The following PGD variants were observed in gnomAD, a reference collection of about 807,000 sequenced individuals.
PGD encodes phosphogluconate dehydrogenase.
A neutral mutation model predicts 60.4 loss-of-function variants in PGD; 21 were observed. That is an observed-to-expected ratio of 0.35 (90% CI 0.25 to 0.50). The LOEUF is 0.50. Ranked by LOEUF, PGD falls within the 20% of genes least tolerant of loss-of-function variation. The probability of loss-of-function intolerance (pLI) is 0.98; values close to 1 mark genes in which losing one functional copy is unlikely to be tolerated. For missense variants in PGD, 477 were observed against 613.1 expected (o/e 0.78, Z 2.34); for synonymous variants, 230 against 235.9 (o/e 0.97, Z 0.23).
chr1:10,411,559 C>T lies in PGD; in HGVS notation c.654+7C>T. ...GCAGGACGAGATGGCCCAGGTGAGG[C>T]CCCGGCACTGCCTCTGTGTCCGTTC... On this transcript the variant is annotated splice_region_variant and intron_variant, in intron 7 of 12. Transcript: ENST00000270776. 6.2e-7 allele frequency: 1 copy of T among 1,613,720 alleles called. No individual in the cohort carries two copies. The highest frequency in any genetic ancestry group is 8.5e-7 in the Non-Finnish European group (1 of 1,179,790).
At chr1:10,409,649 CTT>C (rs543426528) in intron 6 of PGD, among the ~76,000 whole-genome samples, 1,613 of 75,290 alleles carry the variant, frequency 0.021, 8 homozygotes, top group Non-Finnish European at 0.026. Context: ...GTGGTAGCAA[CTT>C]TTTTTTTTTT....
chr1:10,408,293 T>C (rs1395787460), intron 6 of PGD, among the ~76,000 whole-genome samples, 153 bp downstream of exon 6: 1 of 152,234 alleles, frequency 6.6e-6, no homozygotes, highest in East Asian at 1.9e-4. Flanking sequence ...ACGCCTAGAA[T>C]GCATGCCTGC....
At chr1:10,409,941 C>G (rs1639471613) in intron 6 of PGD, among the ~76,000 whole-genome samples, 2 of 152,124 alleles carry the variant, frequency 1.3e-5, no homozygotes, top group Non-Finnish European at 2.9e-5. Context: ...TAGGCGTGAG[C>G]CACCGCACCC....
In PGD at chr1:10,419,484, C is replaced by T; in HGVS notation, c.1277C>T (p.Ala426Val). ...ATTCCCATGCCCTGTTTTACCACTG[C>T]CCTCTCCTTCTATGACGGGTACAGA... ...AGIPMPCFTTALSFYDGYRHE... is the reference protein window; with the variant it reads ...AGIPMPCFTTVLSFYDGYRHE... Residue 426 changes from alanine (A) to valine (V), a missense_variant, in exon 12 of 13, where the codon GCC (alanine) becomes GTC (valine). By Grantham distance (64) the Ala-to-Val change is moderately conservative (BLOSUM62 0). Coordinates refer to ENST00000270776, the MANE Select transcript of PGD (RefSeq NM_002631.4). 2 of 1,613,786 alleles carry T rather than the reference C, an allele frequency of 1.2e-6. No individual in the cohort carries two copies. Among genetic ancestry groups the T allele is most frequent in the Non-Finnish European group, 1.7e-6 (2 of 1,179,670 alleles).
intron 3 of PGD, 101 bp from the exon 4 acceptor site, chr1:10,402,970 T>A: frequency 1.2e-6 from 1 of 854,374 alleles, no homozygotes; most frequent in East Asian, 2.5e-5. Flanking sequence ...AGAACGAGAC[T>A]CTTTTTAGAC....
intron 8 of PGD, among the ~76,000 whole-genome samples, chr1:10,416,077 A>G (rs1639590443): frequency 6.6e-6 from 1 of 152,162 alleles, no homozygotes; most frequent in Non-Finnish European, 1.5e-5. Flanking sequence ...AGTATTCTAC[A>G]TAACAGTGGT....
At chr1:10,406,379 GTTTC>G (rs1282948144) in intron 5 of PGD, among the ~76,000 whole-genome samples, 18 of 149,258 alleles carry the variant, frequency 1.2e-4, no homozygotes, top group Admixed American at 1.1e-3. Context: ...GCAAGACCCT[GTTTC>G]TTAAGAAAAA....
intron 5 of PGD, among the ~76,000 whole-genome samples, chr1:10,406,606 G>C (rs573767148): frequency 3.3e-5 from 5 of 152,194 alleles, no homozygotes; most frequent in Non-Finnish European, 7.4e-5. Context: ...GCGGTTTCCG[G>C]TGTGGCTGTC....
intron 1 of PGD, 193 bp from the exon 2 acceptor site, chr1:10,399,436 C>T (rs904138334): frequency 1.1e-4 from 53 of 468,386 alleles, no homozygotes; most frequent in Admixed American, 1.8e-4. Context: ...GAGCCGGGCG[C>T]GAGGGCGGGG....
At chr1:10,404,982 G>A (rs914180983) in intron 5 of PGD, among the ~76,000 whole-genome samples, 2 of 152,196 alleles carry the variant, frequency 1.3e-5, no homozygotes, top group East Asian at 1.9e-4. Flanking sequence ...GGGAAGCTGC[G>A]GTGAATGATC....
rs1569963528 is a variant in PGD at position 10,399,225 on chromosome 1, G to A, written c.8+100G>A. ...GTTCTCTCCGACGCCTCCCACCCTG[G>A]GGGTCGCCTGAGCTCACTTGGGGCT... On this transcript the variant is annotated intron_variant, in intron 1 of 12. Transcript: ENST00000270776. 7.2e-6 allele frequency: 10 copies of A among 1,391,802 alleles called. No homozygotes were observed. The East Asian group carries it at 2.2e-4, about 30-fold the overall frequency. 86.2% of individuals were successfully genotyped at this position (1,391,802 alleles called of 1,614,324 possible). A position where few individuals can be genotyped will look rare whatever the true frequency, so the allele number is the denominator to read the frequency against.
chr1:10,418,879 A>C lies in PGD; in HGVS notation c.1163A>C (p.Asn388Thr). Residue 388 changes from asparagine (N) to threonine (T), a missense_variant, in exon 11 of 13, where the codon AAC (asparagine) becomes ACC (threonine). Physicochemically the swap from Asn to Thr is moderately conservative, Grantham distance 65. Around this residue, in one of 3 missense-constraint regions of PGD, gnomAD observed 431 missense variants for 556.6 expected, o/e 0.77. Coordinates refer to ENST00000270776, the MANE Select transcript of PGD (RefSeq NM_002631.4). Reference protein sequence around the residue: ...DAFDRNPELQNLLLDDFFKSA... With the variant: ...DAFDRNPELQTLLLDDFFKSA... ...TTTGATCGAAACCCGGAACTTCAGA[A>C]CCTCCTACTGGACGACTTCTTTAAG... 1 of 1,612,454 alleles carries C rather than the reference A, an allele frequency of 6.2e-7. No individual in the cohort carries two copies. The highest frequency in any genetic ancestry group is 8.5e-7 in the Non-Finnish European group (1 of 1,178,732).
In PGD at chr1:10,417,045, C is replaced by T. The variant is rs1639607574; in HGVS notation, c.903C>T (p.Ser301=). The part of the protein sequence containing the change: ...SSLKDERIQA[S]KKLKGPQKFQ... Reference sequence around the variant, plus strand: ...TGAAGGATGAGAGAATTCAAGCTAGCAAAAAGCTGAAGGGTCCCCAGAAGT... The same window carrying T: ...TGAAGGATGAGAGAATTCAAGCTAGTAAAAAGCTGAAGGGTCCCCAGAAGT... Residue 301 remains serine, a synonymous_variant, in exon 9 of 13, where the codon AGC becomes AGT. Transcript: ENST00000270776. 1 of 1,613,872 alleles carries T rather than the reference C, an allele frequency of 6.2e-7. No homozygotes were observed. Among genetic ancestry groups the T allele is most frequent in the Non-Finnish European group, 8.5e-7 (1 of 1,179,816 alleles).
At chr1:10,402,220 G>A (rs542615835) in intron 3 of PGD, among the ~76,000 whole-genome samples, 1 of 152,090 alleles carries the variant, frequency 6.6e-6, no homozygotes, top group East Asian at 1.9e-4. Context: ...ACACATTATA[G>A]TCAGTGTTTA....
intron 1 of PGD, chr1:10,399,364 G>T: frequency 1.9e-6 from 1 of 537,476 alleles, no homozygotes; most frequent in Non-Finnish European, 3.2e-6. Flanking sequence ...CGAGGGCCAG[G>T]GAGGAGGCGC....
At chr1:10,407,040 G>T (rs1255012216) in intron 5 of PGD, among the ~76,000 whole-genome samples, 1 of 152,210 alleles carries the variant, frequency 6.6e-6, no homozygotes, top group African/African-American at 2.4e-5. Flanking sequence ...AGCCGGGTGC[G>T]ATGGCTTATG....
At position 10,419,712 on chromosome 1, in the gene PGD, A is replaced by G; in HGVS notation, c.1415A>G (p.His472Arg). The change falls in exon 13 of 13, where the codon CAT (histidine) becomes CGT (arginine). Residue 472 changes from histidine (H) to arginine (R), a missense_variant. Transcript: ENST00000270776. ...TTTATCCACACCAACTGGACAGGCC[A>G]TGGTGGCACCGTGTCATCCTCGTCA... Reference protein sequence around the residue: ...GQFIHTNWTGHGGTVSSSSYN... With the variant: ...GQFIHTNWTGRGGTVSSSSYN... The G allele has an allele frequency of 5.6e-6, 9 of 1,614,246 alleles. No homozygotes were observed. Among genetic ancestry groups the G allele is most frequent in the Non-Finnish European group, 7.6e-6 (9 of 1,180,040 alleles).
intron 5 of PGD, 64 bp downstream of exon 5, chr1:10,404,343 C>A: frequency 9.7e-7 from 1 of 1,034,858 alleles, no homozygotes; most frequent in Non-Finnish European, 1.4e-6. Flanking sequence ...AACGAATAAG[C>A]CAGGAGCAGT....
rs1639669998 is a variant in PGD at position 10,420,220 on chromosome 1, T to A, written c.*471T>A. 2 of 156,664 alleles carry A rather than the reference T, an allele frequency of 1.3e-5. No individual in the cohort carries two copies. The allele number at this position is 156,664 out of a possible 1,614,324, so 9.7% of individuals were successfully genotyped here. A position where few individuals can be genotyped will look rare whatever the true frequency, so the allele number is the denominator to read the frequency against. On this transcript the variant is annotated 3_prime_UTR_variant, in exon 13 of 13. Coordinates refer to ENST00000270776, the MANE Select transcript of PGD (RefSeq NM_002631.4). ...CCCCATTGGCAGAAAGATTTTTCTT[T>A]AAAAAAAAAGACTAGAATAACACAA...
Sources: gnomAD v4.1 joint callset for allele counts (sites outside exome capture counted in the v4.1 genomes callset) on GRCh38, gnomAD v4.1.1 for gene constraint, gnomAD v4.1.1 regional missense constraint, MANE v1.5 for transcripts, NCBI Gene and HGNC (gene_info 2026-07-23, HGNC 2026-07-21) for gene names.